PIWIL3: variants seen among roughly 807,000 people sequenced by gnomAD.
PIWIL3 encodes the protein piwi-like protein 3.
Under a neutral mutation model 109.7 loss-of-function variants are expected in PIWIL3, and 101 were observed. That is an observed-to-expected ratio of 0.92 (90% CI 0.78 to 1.09). The LOEUF is 1.09. Ranked by LOEUF, PIWIL3 falls within the 50% of genes least tolerant of loss-of-function variation. The pLI is 0.00. For synonymous variants in PIWIL3, 373 were observed against 376.4 expected (o/e 0.99, Z 0.10); for missense variants, 1,031 against 1,072.6 (o/e 0.96, Z 0.54).
intron 4 of PIWIL3, among the ~76,000 whole-genome samples, chr22:24,757,038 T>C (rs564554164): frequency 3.0e-5 from 4 of 132,618 alleles, no homozygotes; most frequent in African/African-American, 1.2e-4. Flanking sequence ...GAGATCATAC[T>C]ATTGCCCTCC....
chr22:24,754,292 G>A lies in PIWIL3; in HGVS notation c.774-75C>T, dbSNP rs572595891. ...AAGGGTTTCCAAGCCTAAGCTCTGG[G>A]TCTAAAAATTGGTACTTAGGAGTCA... On this transcript the variant is annotated intron_variant, in intron 7 of 20. Coordinates refer to ENST00000616349, the MANE Select transcript of PIWIL3 (RefSeq NM_001255975.1). 9.9e-6 allele frequency: 13 copies of A among 1,307,620 alleles called. No individual in the cohort carries two copies. The South Asian group carries it at 1.8e-4, about 18-fold the overall frequency. 81.0% of individuals were successfully genotyped at this position (1,307,620 alleles called of 1,614,324 possible).
At chr22:24,764,509 T>G (rs1951145130) in intron 1 of PIWIL3, among the ~76,000 whole-genome samples, 1 of 152,206 alleles carries the variant, frequency 6.6e-6, no homozygotes, top group South Asian at 2.1e-4. Flanking sequence ...GTGGATCCGC[T>G]GTCATGGGTA....
At chr22:24,766,177 G>T (rs1284951587) in intron 1 of PIWIL3, among the ~76,000 whole-genome samples, 2 of 152,008 alleles carry the variant, frequency 1.3e-5, no homozygotes, top group Non-Finnish European at 2.9e-5. Flanking sequence ...TGTGGAGACG[G>T]GGTTTCACCA....
At chr22:24,720,290 T>TTTTA (rs1491484822) in intron 19 of PIWIL3, among the ~76,000 whole-genome samples, 2 of 124,944 alleles carry the variant, frequency 1.6e-5, no homozygotes, top group African/African-American at 5.7e-5. Context: ...TTTTTTTTTT[T>TTTTA]AGACGGAGTC....
intron 8 of PIWIL3, among the ~76,000 whole-genome samples, chr22:24,751,839 T>C (rs898080443): frequency 3.9e-5 from 6 of 152,230 alleles, no homozygotes; most frequent in African/African-American, 1.4e-4. Flanking sequence ...ATGCAACGTG[T>C]GCTCTTTCCC....
At chr22:24,764,675 C>T (rs1330235049) in intron 1 of PIWIL3, among the ~76,000 whole-genome samples, 1 of 71,560 alleles carries the variant, frequency 1.4e-5, no homozygotes. Flanking sequence ...TGTGTTGAGA[C>T]AGGATCTCTC....
chr22:24,756,461 A>G (rs1925035863), intron 5 of PIWIL3, 30 bp downstream of exon 5: 1 of 1,581,932 alleles, frequency 6.3e-7, no homozygotes. Flanking sequence ...GAGAAAGAAC[A>G]CAGGAAAATG....
chr22:24,760,166 GA>G (rs928456506), intron 2 of PIWIL3, among the ~76,000 whole-genome samples, 177 bp from the exon 3 acceptor site: 2 of 151,894 alleles, frequency 1.3e-5, no homozygotes, highest in African/African-American at 4.8e-5. Context: ...AATTGCTAAG[GA>G]AAAAAACAAA....
In PIWIL3 at chr22:24,723,269, G is replaced by C; in HGVS notation, c.2232-14C>G. 2 of 1,604,398 alleles carry C rather than the reference G, an allele frequency of 1.2e-6. No homozygotes were observed. The highest frequency in any genetic ancestry group is 3.5e-4 in the Middle Eastern group (2 of 5,762). Reference sequence around the variant, plus strand: ...GCTAGAGTGAAACTTAAAAAAATTAGGGTAAGTGTCACTATGTTTACTCAG... The same window carrying C: ...GCTAGAGTGAAACTTAAAAAAATTACGGTAAGTGTCACTATGTTTACTCAG... On this transcript the variant is annotated splice_polypyrimidine_tract_variant and intron_variant, in intron 18 of 20. Transcript: ENST00000616349.
rs753694000 is a variant in PIWIL3 at position 24,719,843 on chromosome 22, TG to T, written c.2409del (p.Thr804LeufsTer12). The T allele has an allele frequency of 3.1e-6, 5 of 1,611,148 alleles. No homozygotes were observed. Among genetic ancestry groups the T allele is most frequent in the East Asian group, 2.2e-5 (1 of 44,854 alleles). ...SQSVQDGTVT[P>X]THYNVIYDTI... ...GTGTCATAGATGACGTTATAATGAG[TG>T]GGGGTAACAGTCCCATCTTGCACAG... is the stretch of plus-strand genomic sequence containing the variant. On this transcript the variant is annotated frameshift_variant, in exon 20 of 21. Coordinates refer to ENST00000616349, the MANE Select transcript of PIWIL3 (RefSeq NM_001255975.1). LOFTEE classifies it high-confidence loss of function.
chr22:24,742,125 G>T (rs924311163), intron 12 of PIWIL3, among the ~76,000 whole-genome samples: 1 of 90,774 alleles, frequency 1.1e-5, no homozygotes, highest in Non-Finnish European at 2.1e-5. Flanking sequence ...ATCAAATCAA[G>T]AACTCAACCA....
rs538506623 is a variant in PIWIL3, at chr22:24,765,000, C to T, written c.-22-2479G>A. ...CCAACATCTTTGAGAAAAGATAAAC[C>T]TGGAGATAATAACATAAGGGAGAGC... On this transcript the variant is annotated intron_variant, in intron 1 of 20. Transcript: ENST00000616349. Among the ~76,000 whole-genome samples the T allele has an allele frequency of 6.6e-5, 10 of 152,226 alleles. No individual in the cohort carries two copies. The East Asian group carries it at 1.9e-3, about 29-fold the overall frequency.
intron 12 of PIWIL3, among the ~76,000 whole-genome samples, chr22:24,740,384 T>G (rs1210108418): frequency 1.3e-5 from 2 of 150,584 alleles, no homozygotes; most frequent in African/African-American, 4.9e-5. Context: ...CCGTCTCTAC[T>G]AAAAACACAA....
At chr22:24,726,059 T>C (rs1922975401) in intron 16 of PIWIL3, among the ~76,000 whole-genome samples, 1 of 152,176 alleles carries the variant, frequency 6.6e-6, no homozygotes, top group African/African-American at 2.4e-5. Flanking sequence ...CTGCCTCTTC[T>C]CACTAGGATT....
intron 13 of PIWIL3, 122 bp from the exon 14 acceptor site, chr22:24,734,278 A>G (rs958433877): frequency 7.2e-7 from 1 of 1,391,944 alleles, no homozygotes; most frequent in South Asian, 1.7e-5. Context: ...TTCAGTAGAA[A>G]GTATGTTTAA....
At chr22:24,749,125 T>TC (rs1924550629) in intron 11 of PIWIL3, 104 bp from the exon 12 acceptor site, 1 of 974,080 alleles carries the variant, frequency 1.0e-6, no homozygotes. Flanking sequence ...CCATCACTTG[T>TC]CCGCAGCATT....
Position 24,754,117 on chromosome 22 carries a change from CT to C in PIWIL3, c.873del (p.Ile291MetfsTer8). The C allele has an allele frequency of 6.2e-7, 1 of 1,613,634 alleles. No homozygotes were observed. Among genetic ancestry groups the C allele is most frequent in the Non-Finnish European group, 8.5e-7 (1 of 1,179,534 alleles). Reference sequence around the variant, plus strand: ...CTCTTTATGAAATCATAAGCAGTTTCTATTCGGAGCAGTTTGTGGCTCACAT... The same window carrying C: ...CTCTTTATGAAATCATAAGCAGTTTCATTCGGAGCAGTTTGTGGCTCACAT... Reference protein sequence around the residue: ...CADVSHKLLRIETAYDFIKRT... With the variant: ...CADVSHKLLRXETAYDFIKRT... On this transcript the variant is annotated frameshift_variant, in exon 8 of 21. Coordinates refer to ENST00000616349, the MANE Select transcript of PIWIL3 (RefSeq NM_001255975.1). LOFTEE classifies it high-confidence loss of function.
intron 8 of PIWIL3, among the ~76,000 whole-genome samples, chr22:24,752,796 CGA>C (rs998618884): frequency 2.0e-5 from 3 of 152,106 alleles, no homozygotes; most frequent in Non-Finnish European, 4.4e-5. Flanking sequence ...AAGCAGCATA[CGA>C]GAGAGTTGCT....
intron 1 of PIWIL3, among the ~76,000 whole-genome samples, chr22:24,773,400 C>A (rs112548738): frequency 4.6e-5 from 7 of 152,254 alleles, no homozygotes; most frequent in African/African-American, 1.4e-4. Context: ...CCGGCAGGAC[C>A]CCCTCCTGAG....
Sources: allele counts gnomAD v4.1 joint callset (sites outside exome capture counted in the v4.1 genomes callset), GRCh38; gene constraint gnomAD v4.1.1; transcripts MANE v1.5; gene names NCBI Gene and HGNC (gene_info 2026-07-23, HGNC 2026-07-21).